NELL1: variants seen among roughly 807,000 people sequenced by gnomAD.
The protein encoded by NELL1 is neural EGFL like 1, also known as protein kinase C-binding protein NELL1.
NELL1 carries 76 observed loss-of-function variants against 107.4 expected under a neutral mutation model. That is an observed-to-expected ratio of 0.71 (90% CI 0.59 to 0.86). NELL1 has a LOEUF of 0.86. Ranked by LOEUF, NELL1 falls within the 40% of genes least tolerant of loss-of-function variation. The probability of loss-of-function intolerance (pLI) is 0.00; values close to 1 mark genes in which losing one functional copy is unlikely to be tolerated. For synonymous variants in NELL1, 353 were observed against 341.2 expected, an observed-to-expected ratio of 1.03 and a Z score of -0.38; for missense variants, 1,024 against 1,005.5, an observed-to-expected ratio of 1.02 and a Z score of -0.25.
chr11:20,751,093 T>A (rs941886657), intron 2 of NELL1, among the ~76,000 whole-genome samples: 29 of 152,136 alleles, frequency 1.9e-4, no homozygotes, highest in African/African-American at 6.5e-4. Context: ...GATCTATAGC[T>A]TATCCTTATG....
At chr11:21,557,460 T>C (rs1055093916) in intron 16 of NELL1, among the ~76,000 whole-genome samples, 2 of 152,158 alleles carry the variant, frequency 1.3e-5, no homozygotes, top group African/African-American at 4.8e-5. Context: ...GTTGTCAATG[T>C]AGATATTTTT....
At position 20,906,365 on chromosome 11, in the gene NELL1, A is replaced by T. The variant is rs567704457; in HGVS notation, c.604-11817A>T. ...TTTGAACTGGTAACAAAAATCTCTCAATCAAGTAAAGTCTGGGACCAGATG... is the reference window on the plus strand; with the variant it reads ...TTTGAACTGGTAACAAAAATCTCTCTATCAAGTAAAGTCTGGGACCAGATG... On this transcript the variant is annotated intron_variant, in intron 5 of 19. Transcript: ENST00000357134. Among the ~76,000 whole-genome samples, 13 of 152,208 alleles carry T rather than the reference A, an allele frequency of 8.5e-5. No homozygotes were observed. In the East Asian group the frequency reaches 2.3e-3, roughly 27 times the overall value.
At chr11:21,050,040 G>A (rs903251004) in intron 12 of NELL1, among the ~76,000 whole-genome samples, 3 of 152,114 alleles carry the variant, frequency 2.0e-5, no homozygotes, top group Non-Finnish European at 4.4e-5. Flanking sequence ...ACAAGCAAAC[G>A]CAGATGTAGA....
intron 12 of NELL1, among the ~76,000 whole-genome samples, chr11:21,085,386 T>A (rs1181271503): frequency 6.6e-6 from 1 of 152,204 alleles, no homozygotes; most frequent in Non-Finnish European, 1.5e-5. Flanking sequence ...ATAATACCAG[T>A]ACTTTGGGAG....
chr11:21,463,485 T>G (rs2133875299), intron 15 of NELL1, among the ~76,000 whole-genome samples: 1 of 152,260 alleles, frequency 6.6e-6, no homozygotes, highest in Non-Finnish European at 1.5e-5. Context: ...ATATTTGCTG[T>G]TCTTCAGGGA....
chr11:21,327,176 T>G (rs956187209), intron 14 of NELL1, among the ~76,000 whole-genome samples: 4 of 126,500 alleles, frequency 3.2e-5, no homozygotes, highest in African/African-American at 1.2e-4. Context: ...TTTTTTTTTT[T>G]TTGTGGGGGG....
chr11:20,900,884 C>G (rs941891179), intron 5 of NELL1, among the ~76,000 whole-genome samples: 1 of 151,952 alleles, frequency 6.6e-6, no homozygotes, highest in African/African-American at 2.4e-5. Context: ...ATCCAATGGT[C>G]TTCTCAAGAG....
intron 14 of NELL1, among the ~76,000 whole-genome samples, chr11:21,362,209 C>G (rs1177999184): frequency 6.6e-6 from 1 of 152,228 alleles, no homozygotes. Context: ...TGCTCTCCCA[C>G]TTTCCCCAGA....
intron 2 of NELL1, among the ~76,000 whole-genome samples, chr11:20,691,719 C>T (rs1854471413): frequency 6.6e-6 from 1 of 151,740 alleles, no homozygotes; most frequent in Non-Finnish European, 1.5e-5. Context: ...CATCAATGTC[C>T]ATCAAGGATA....
intron 11 of NELL1, among the ~76,000 whole-genome samples, chr11:20,954,053 G>C (rs117629035): frequency 0.025 from 3,732 of 152,272 alleles, 64 homozygotes; most frequent in Middle Eastern, 0.054. Flanking sequence ...TCGGACTATG[G>C]CTCTGTGTAC....
chr11:20,863,542 AGAC>A (rs1849031066), intron 4 of NELL1, among the ~76,000 whole-genome samples: 1 of 146,604 alleles, frequency 6.8e-6, no homozygotes, highest in Non-Finnish European at 1.5e-5. Context: ...CTCACATCCC[AGAC>A]GATGGGCAGC....
Position 20,755,865 on chromosome 11 carries a change from GTTTTTTTTTTTTT to G in NELL1, c.185-27784_185-27772del, listed in dbSNP as rs574606148. Among the ~76,000 whole-genome samples the G allele has an allele frequency of 4.3e-4, 53 of 122,056 alleles. 1 individual carries two copies. The highest frequency in any genetic ancestry group is 4.1e-3 in the Middle Eastern group (1 of 246). 80.1% of individuals were successfully genotyped at this position (122,056 alleles called of 152,430 possible). A position where few individuals can be genotyped will look rare whatever the true frequency, so the allele number is the denominator to read the frequency against. ...GCCACCACGCCCAGCCAGACCTGCG[GTTTTTTTTTTTTT>G]TTTTTTTTTTTTTTTTTTTTTTTTT... On this transcript the variant is annotated intron_variant, in intron 2 of 19. Coordinates refer to ENST00000357134, the MANE Select transcript of NELL1 (RefSeq NM_006157.5).
intron 15 of NELL1, among the ~76,000 whole-genome samples, chr11:21,483,790 A>C (rs1408581148): frequency 6.7e-6 from 1 of 149,822 alleles, no homozygotes; most frequent in Admixed American, 6.7e-5. Context: ...AGGATACCCA[A>C]ATAATGGAAT....
At chr11:21,262,025 T>C (rs1056072613) in intron 14 of NELL1, among the ~76,000 whole-genome samples, 4 of 151,930 alleles carry the variant, frequency 2.6e-5, no homozygotes, top group Non-Finnish European at 5.9e-5. Flanking sequence ...GCGTGTGCTA[T>C]TGATAATCTA....
intron 5 of NELL1, among the ~76,000 whole-genome samples, chr11:20,887,258 G>C (rs987451101): frequency 1.3e-5 from 2 of 152,072 alleles, no homozygotes; most frequent in Non-Finnish European, 2.9e-5. Flanking sequence ...TGGACATCTG[G>C]GTTATTTCCA....
intron 3 of NELL1, among the ~76,000 whole-genome samples, chr11:20,802,668 G>A (rs749192427): frequency 6.6e-6 from 1 of 152,202 alleles, no homozygotes; most frequent in African/African-American, 2.4e-5. Context: ...AAAGCTTTCA[G>A]TTTTTTCCCA....
At chr11:21,189,681 C>CTT (rs58557342) in intron 13 of NELL1, among the ~76,000 whole-genome samples, 2 of 141,506 alleles carry the variant, frequency 1.4e-5, no homozygotes, top group East Asian at 4.1e-4. Flanking sequence ...TTGTTTCTTC[C>CTT]TTTTTTTTTT....
chr11:20,876,554 G>A (rs1303534740), intron 4 of NELL1, among the ~76,000 whole-genome samples: 1 of 152,166 alleles, frequency 6.6e-6, no homozygotes, highest in Admixed American at 6.5e-5. Flanking sequence ...CTCGAGGTCA[G>A]GAGATTGAGA....
At chr11:20,807,278 A>C (rs3908147) in intron 3 of NELL1, among the ~76,000 whole-genome samples, 90,757 of 152,100 alleles carry the variant, frequency 0.6, 30,000 homozygotes, top group East Asian at 0.87. Context: ...CACCCTAAAC[A>C]CAGTAATGCT....
Sources: allele counts gnomAD v4.1 joint callset (sites outside exome capture counted in the v4.1 genomes callset), GRCh38; gene constraint gnomAD v4.1.1; transcripts MANE v1.5; gene names NCBI Gene and HGNC (gene_info 2026-07-23, HGNC 2026-07-21).